Variants in TTC28 observed in about 807,000 individuals in gnomAD.
The protein encoded by TTC28 is tetratricopeptide repeat domain 28.
Under a neutral mutation model 198.0 loss-of-function variants are expected in TTC28, and 61 were observed. That is an observed-to-expected ratio of 0.31 (90% CI 0.25 to 0.38). The LOEUF (loss-of-function observed/expected upper bound fraction) is 0.38. Ranked by LOEUF, TTC28 falls within the 10% of genes least tolerant of loss-of-function variation. The probability of loss-of-function intolerance (pLI) is 1.00; values close to 1 mark genes in which losing one functional copy is unlikely to be tolerated. For synonymous variants in TTC28, 1,171 were observed against 1,297.8 expected (o/e 0.90, Z 2.10); for missense variants, 2,678 against 3,164.0 (o/e 0.85, Z 3.69).
chr22:28,172,870 T>C (rs770856042), intron 5 of TTC28, among the ~76,000 whole-genome samples: 43 of 152,246 alleles, frequency 2.8e-4, no homozygotes, highest in Non-Finnish European at 5.3e-4. Flanking sequence ...ATAAGTATTT[T>C]ACTTCTTCAC....
chr22:28,231,498 A>G (rs1023911517), intron 5 of TTC28, among the ~76,000 whole-genome samples: 1 of 152,246 alleles, frequency 6.6e-6, no homozygotes, highest in Non-Finnish European at 1.5e-5. Flanking sequence ...AACTCTTCTA[A>G]TTCCTCCTAC....
intron 5 of TTC28, among the ~76,000 whole-genome samples, chr22:28,276,169 G>A (rs192293875): frequency 1.6e-3 from 246 of 151,906 alleles, no homozygotes; most frequent in African/African-American, 5.4e-3. Flanking sequence ...GCACCACGAC[G>A]CCTGGCTAAT....
rs563442609 is a variant in TTC28 at position 28,052,923 on chromosome 22, A to G, written c.3933-22557T>C. On this transcript the variant is annotated intron_variant, in intron 12 of 22. Coordinates refer to ENST00000397906, the MANE Select transcript of TTC28 (RefSeq NM_001145418.2). ...TTCTATGGTTACAAGAGACGTAAAT[A>G]TATTATATGTCCTGTGCGACGTGAA... Among the ~76,000 whole-genome samples the G allele has an allele frequency of 5.9e-5, 9 of 152,324 alleles. No homozygotes were observed. The East Asian group carries it at 1.7e-3, about 29-fold the overall frequency.
chr22:28,609,472 A>C (rs2050784042), intron 2 of TTC28, among the ~76,000 whole-genome samples: 1 of 152,196 alleles, frequency 6.6e-6, no homozygotes, highest in Non-Finnish European at 1.5e-5. Flanking sequence ...CCCGGGAAGC[A>C]CAAGGGGTCG....
At chr22:28,328,360 G>A (rs1206819827) in intron 2 of TTC28, among the ~76,000 whole-genome samples, 1 of 150,766 alleles carries the variant, frequency 6.6e-6, no homozygotes, top group Non-Finnish European at 1.5e-5. Context: ...GAGAATCGCT[G>A]AGCCCAGAAG....
intron 1 of TTC28, among the ~76,000 whole-genome samples, chr22:28,669,755 T>A (rs1190243016): frequency 6.6e-6 from 1 of 152,218 alleles, no homozygotes; most frequent in African/African-American, 2.4e-5. Flanking sequence ...TTCTTATCTA[T>A]CTTTATTTTA....
chr22:28,215,362 A>G (rs1927305717), intron 5 of TTC28, among the ~76,000 whole-genome samples: 1 of 152,206 alleles, frequency 6.6e-6, no homozygotes, highest in Non-Finnish European at 1.5e-5. Flanking sequence ...CTCATTCACT[A>G]CTGCAACCTC....
intron 2 of TTC28, among the ~76,000 whole-genome samples, chr22:28,571,338 A>G (rs1455433747): frequency 6.6e-6 from 1 of 152,242 alleles, no homozygotes; most frequent in Non-Finnish European, 1.5e-5. Flanking sequence ...CAAACTCTCT[A>G]TTGTATTTCC....
intron 2 of TTC28, among the ~76,000 whole-genome samples, chr22:28,398,950 T>C (rs1376319078): frequency 6.6e-6 from 1 of 152,104 alleles, no homozygotes; most frequent in African/African-American, 2.4e-5. Context: ...GGTTCAGATA[T>C]ATGTGTTTTT....
chr22:28,207,147 A>G (rs1233531857), intron 5 of TTC28, among the ~76,000 whole-genome samples: 2 of 151,862 alleles, frequency 1.3e-5, no homozygotes, highest in African/African-American at 4.8e-5. Flanking sequence ...AGGGGAAAAT[A>G]CTGAGTGCAA....
chr22:28,298,979 G>A (rs1316648164), intron 3 of TTC28, among the ~76,000 whole-genome samples: 1 of 152,142 alleles, frequency 6.6e-6, no homozygotes, highest in African/African-American at 2.4e-5. Flanking sequence ...TAAGATGGAA[G>A]ATAAAATTAA....
At chr22:28,266,941 G>A (rs539965487) in intron 5 of TTC28, among the ~76,000 whole-genome samples, 3 of 151,202 alleles carry the variant, frequency 2.0e-5, no homozygotes, top group African/African-American at 7.2e-5. Flanking sequence ...GACAACGTGA[G>A]TTATATGCAC....
chr22:28,215,064 T>C (rs1480509206), intron 5 of TTC28, among the ~76,000 whole-genome samples: 1 of 151,992 alleles, frequency 6.6e-6, no homozygotes, highest in Non-Finnish European at 1.5e-5. Flanking sequence ...TTCTCACTAA[T>C]AGGTGGGAAC....
At chr22:28,409,549 G>GT (rs1304321525) in intron 2 of TTC28, among the ~76,000 whole-genome samples, 1 of 149,608 alleles carries the variant, frequency 6.7e-6, no homozygotes, top group Admixed American at 6.7e-5. Context: ...ATATACATAT[G>GT]TTATATGTGT....
intron 12 of TTC28, among the ~76,000 whole-genome samples, chr22:28,062,675 C>T (rs1365869696): frequency 1.3e-5 from 2 of 151,884 alleles, no homozygotes; most frequent in Non-Finnish European, 2.9e-5. Context: ...TCATTGTTTT[C>T]TTTGTCATTT....
intron 1 of TTC28, among the ~76,000 whole-genome samples, chr22:28,642,259 T>C (rs1311289484): frequency 6.8e-6 from 1 of 146,812 alleles, no homozygotes; most frequent in Non-Finnish European, 1.5e-5. Context: ...TTAAAACAAG[T>C]GGGTAATGTA....
At chr22:28,122,550 T>C (rs1487011110) in intron 6 of TTC28, among the ~76,000 whole-genome samples, 1 of 152,228 alleles carries the variant, frequency 6.6e-6, no homozygotes, top group African/African-American at 2.4e-5. Context: ...ATAATCTTTA[T>C]GGGTTTTGCT....
intron 5 of TTC28, among the ~76,000 whole-genome samples, chr22:28,279,795 G>A (rs6005751): frequency 0.091 from 13,853 of 152,092 alleles, 1,217 homozygotes; most frequent in African/African-American, 0.23. Flanking sequence ...CCTCACCTCC[G>A]CTCCCAAAGA....
chr22:28,060,927 T>G (rs1257870099), intron 12 of TTC28, among the ~76,000 whole-genome samples: 1 of 152,194 alleles, frequency 6.6e-6, no homozygotes, highest in Non-Finnish European at 1.5e-5. Flanking sequence ...TGGTGTGAGA[T>G]GGTATCTCAT....
Sources: gnomAD v4.1 joint callset for allele counts (sites outside exome capture counted in the v4.1 genomes callset) on GRCh38, gnomAD v4.1.1 for gene constraint, MANE v1.5 for transcripts, NCBI Gene and HGNC (gene_info 2026-07-23, HGNC 2026-07-21) for gene names.